Variants in BAZ2B observed in about 807,000 individuals in gnomAD.
The protein encoded by BAZ2B is bromodomain adjacent to zinc finger domain 2B, also known as bromodomain adjacent to zinc finger domain protein 2B.
Under a neutral mutation model 246.0 loss-of-function variants are expected in BAZ2B, and 91 were observed. The ratio of observed to expected loss-of-function variants is 0.37; its 90% CI spans 0.31 to 0.44. The LOEUF is 0.44. Ranked by LOEUF, BAZ2B falls within the 20% of genes least tolerant of loss-of-function variation. The probability of loss-of-function intolerance (pLI) is 1.00; values close to 1 mark genes in which losing one functional copy is unlikely to be tolerated. For synonymous variants in BAZ2B, 855 were observed against 860.0 expected (o/e 0.99, Z 0.10); for missense variants, 2,332 against 2,533.7 (o/e 0.92, Z 1.71).
chr2:159,344,338 G>C (rs1409525256), intron 31 of BAZ2B, among the ~76,000 whole-genome samples: 1 of 151,942 alleles, frequency 6.6e-6, no homozygotes, highest in Non-Finnish European at 1.5e-5. Context: ...AGGAGTTCAA[G>C]ACCAGCCTCA....
intron 14 of BAZ2B, chr2:159,411,893 C>T (rs986013411): frequency 2.7e-5 from 26 of 964,692 alleles, no homozygotes; most frequent in South Asian, 4.8e-5. Context: ...AACTAAAAGA[C>T]TGGGGTTACT....
At position 159,414,323 on chromosome 2, in the gene BAZ2B, A is replaced by G. The variant is rs990716636; in HGVS notation, c.2467-1778T>C. Among the ~76,000 whole-genome samples the G allele has an allele frequency of 2.6e-5, 4 of 152,208 alleles. No homozygotes were observed. The South Asian group carries it at 8.3e-4, about 32-fold the overall frequency. ...TGAAGATGGTTAATAGTTATAAAAA[A>G]TATGTGGGTAAAATAAATAAGATCT... is the stretch of plus-strand genomic sequence containing the variant. On this transcript the variant is annotated intron_variant, in intron 13 of 36. Coordinates refer to ENST00000392783, the MANE Select transcript of BAZ2B (RefSeq NM_013450.4).
intron 2 of BAZ2B, among the ~76,000 whole-genome samples, chr2:159,497,170 C>G (rs972361600): frequency 6.6e-6 from 1 of 152,156 alleles, no homozygotes; most frequent in Non-Finnish European, 1.5e-5. Flanking sequence ...TATGTGCTCA[C>G]TTCACTAAAT....
At chr2:159,327,920 C>T (rs956918264) in intron 34 of BAZ2B, among the ~76,000 whole-genome samples, 5 of 151,966 alleles carry the variant, frequency 3.3e-5, no homozygotes, top group Non-Finnish European at 7.4e-5. Context: ...CAAAAATTGG[C>T]TGGGTGTGGT....
At chr2:159,346,360 G>A (rs1282842990) in intron 31 of BAZ2B, among the ~76,000 whole-genome samples, 1 of 152,100 alleles carries the variant, frequency 6.6e-6, no homozygotes, top group East Asian at 1.9e-4. Context: ...ATAAAGCAAG[G>A]CATTTCAAAT....
intron 27 of BAZ2B, among the ~76,000 whole-genome samples, chr2:159,369,528 C>A (rs565408846): frequency 6.7e-6 from 1 of 149,186 alleles, no homozygotes; most frequent in East Asian, 2.0e-4. Flanking sequence ...TCCAGGTATA[C>A]AATGATAAAG....
chr2:159,636,809 A>G, the BAZ2B span, among the ~76,000 whole-genome samples: 1 of 152,118 alleles, frequency 6.6e-6, no homozygotes, highest in Non-Finnish European at 1.5e-5. Flanking sequence ...AAGGAGAGCT[A>G]AGAGTAATAA....
Position 159,400,769 on chromosome 2 carries a change from A to G in BAZ2B, c.2833-105T>C, listed in dbSNP as rs74538917. 1.5e-3 allele frequency: 940 copies of G among 643,542 alleles called. 9 individuals are homozygous for G. The East Asian group carries it at 0.019, about 13-fold the overall frequency. The allele number at this position is 643,542 out of a possible 1,614,324, so 39.9% of individuals were successfully genotyped here. A position where few individuals can be genotyped will look rare whatever the true frequency, so the allele number is the denominator to read the frequency against. ...AAAAATATAAGTACAGGTCAGGCGC[A>G]GTGGCTCACACCTGTAATCCCAGCA... On this transcript the variant is annotated intron_variant, in intron 16 of 36. Transcript: ENST00000392783.
the BAZ2B span, chr2:159,689,345 T>C: frequency 8.9e-6 from 3 of 338,872 alleles, no homozygotes; most frequent in Admixed American, 9.2e-5. Context: ...CAATTCAAAC[T>C]TGGGCTTCTT....
chr2:159,358,491 T>C (rs2059352554), intron 27 of BAZ2B, among the ~76,000 whole-genome samples: 2 of 152,112 alleles, frequency 1.3e-5, no homozygotes, highest in Non-Finnish European at 2.9e-5. Context: ...CAAAGAAACT[T>C]AGACTCCCAC....
the BAZ2B span, among the ~76,000 whole-genome samples, chr2:159,655,611 C>T: frequency 1.3e-5 from 2 of 152,152 alleles, no homozygotes; most frequent in Non-Finnish European, 2.9e-5. Flanking sequence ...CCCCCTCACC[C>T]TCATACTGGG....
chr2:159,705,561 C>T, the BAZ2B span, among the ~76,000 whole-genome samples: 1 of 152,130 alleles, frequency 6.6e-6, no homozygotes, highest in Non-Finnish European at 1.5e-5. Context: ...TTTCTAATTA[C>T]AGAATTGGTC....
At chr2:159,401,123 T>C (rs2064992267) in intron 16 of BAZ2B, among the ~76,000 whole-genome samples, 1 of 152,228 alleles carries the variant, frequency 6.6e-6, no homozygotes, top group South Asian at 2.1e-4. Flanking sequence ...ATATATATTT[T>C]CATGTCTGAA....
chr2:159,377,376 C>T (rs2061510905), intron 25 of BAZ2B, among the ~76,000 whole-genome samples: 1 of 152,142 alleles, frequency 6.6e-6, no homozygotes, highest in Non-Finnish European at 1.5e-5. Context: ...AATCATTTAA[C>T]ATGAAATGTT....
the BAZ2B span, among the ~76,000 whole-genome samples, chr2:159,666,198 CAA>C: frequency 1.5e-3 from 220 of 149,750 alleles, 2 homozygotes; most frequent in Middle Eastern, 6.9e-3. Flanking sequence ...TTTCAAAGAG[CAA>C]AAGTTTTAAA....
the BAZ2B span, among the ~76,000 whole-genome samples, chr2:159,702,920 G>A: frequency 6.6e-6 from 1 of 151,732 alleles, no homozygotes; most frequent in South Asian, 2.1e-4. Flanking sequence ...GGCACCTGTA[G>A]TCCCAGCTAC....
intron 21 of BAZ2B, among the ~76,000 whole-genome samples, chr2:159,389,142 A>C (rs199797836): frequency 1.4e-5 from 2 of 146,942 alleles, no homozygotes; most frequent in Admixed American, 1.3e-4. Flanking sequence ...AACAAACAAA[A>C]AAACCGCCAT....
In BAZ2B at chr2:159,439,144, G is replaced by A. The variant is rs759541790; in HGVS notation, c.765C>T (p.Thr255=). Residue 255 remains threonine, a synonymous_variant, in exon 7 of 37, where the codon ACC becomes ACT. Transcript: ENST00000392783. The part of the protein sequence containing the change: ...SDSDSGTSSD[T]SSEGISSSDS... ...CACTGCTACTAATGCCTTCACTTGA[G>A]GTGTCTGATGATGTGCCTGAATCAC... 6.8e-6 allele frequency: 11 copies of A among 1,613,894 alleles called. No homozygotes were observed. Among genetic ancestry groups the A allele is most frequent in the Non-Finnish European group, 8.5e-6 (10 of 1,179,936 alleles).
chr2:159,455,038 T>C (rs923899981), intron 3 of BAZ2B, among the ~76,000 whole-genome samples: 1 of 152,146 alleles, frequency 6.6e-6, no homozygotes, highest in African/African-American at 2.4e-5. Flanking sequence ...GAGAATACTC[T>C]AGGTTATCTT....
Sources: allele counts gnomAD v4.1 joint callset (sites outside exome capture counted in the v4.1 genomes callset), GRCh38; gene constraint gnomAD v4.1.1; transcripts MANE v1.5; gene names NCBI Gene and HGNC (gene_info 2026-07-23, HGNC 2026-07-21).